The following UBAP1L variants were observed in gnomAD, a reference collection of about 807,000 sequenced individuals.
The protein encoded by UBAP1L is ubiquitin associated protein 1 like.
Under a neutral mutation model 32.1 loss-of-function variants are expected in UBAP1L, and 32 were observed. That is an observed-to-expected ratio of 1.00 (90% CI 0.75 to 1.34). The LOEUF (loss-of-function observed/expected upper bound fraction) is 1.34, where lower values mean the gene tolerates loss of function less well. Among genes scored for constraint, UBAP1L ranks in the 40% most tolerant of loss-of-function variants. The pLI is 0.00. For missense variants in UBAP1L, 516 were observed against 540.5 expected (o/e 0.95, Z 0.45); for synonymous variants, 243 against 250.2 (o/e 0.97, Z 0.27).
At chr15:65,104,349 G>GAAAAGA (rs200719158) in intron 2 of UBAP1L, among the ~76,000 whole-genome samples, 5 of 151,268 alleles carry the variant, frequency 3.3e-5, no homozygotes, top group African/African-American at 4.9e-5. Flanking sequence ...GAAAAGAAAA[G>GAAAAGA]AAAAGAAAAA....
intron 2 of UBAP1L, chr15:65,105,506 C>A: frequency 2.2e-6 from 1 of 448,340 alleles, no homozygotes; most frequent in Non-Finnish European, 4.2e-6. Context: ...CAGCTCTTTC[C>A]CTAAGTGGCC....
Position 65,094,864 on chromosome 15 carries a change from T to C in UBAP1L, c.910-288A>G, listed in dbSNP as rs2140556751. ...GGCTAGGGTGTTCATAGAACCTAGGTGGGGAGCAGGACAGGCTTCAAACAC... is the reference window on the plus strand; with the variant it reads ...GGCTAGGGTGTTCATAGAACCTAGGCGGGGAGCAGGACAGGCTTCAAACAC... On this transcript the variant is annotated intron_variant, in intron 4 of 5. Coordinates refer to ENST00000559089, the MANE Select transcript of UBAP1L (RefSeq NM_001163692.2). The surrounding 1 kb of genome is among the most constrained non-coding windows in gnomAD (Gnocchi z 4.2). 2.1e-6 allele frequency: 1 copy of C among 473,550 alleles called. No homozygotes were observed. Among genetic ancestry groups the C allele is most frequent in the Non-Finnish European group, 3.9e-6 (1 of 256,794 alleles). The allele number at this position is 473,550 out of a possible 1,614,324, so 29.3% of individuals were successfully genotyped here.
At chr15:65,108,510 C>A (rs2087342076) in intron 1 of UBAP1L, among the ~76,000 whole-genome samples, 1 of 151,604 alleles carries the variant, frequency 6.6e-6, no homozygotes, top group African/African-American at 2.4e-5. Flanking sequence ...TTTGAGAGGC[C>A]CAGGCAGGAG....
intron 2 of UBAP1L, chr15:65,105,769 T>C: frequency 1.4e-6 from 1 of 698,118 alleles, no homozygotes; most frequent in Non-Finnish European, 2.7e-6. Flanking sequence ...TGGGGCTGGA[T>C]AGAAGGTCGG....
rs1283407488 is a variant in UBAP1L at position 65,106,376 on chromosome 15, G to A, written c.-161C>T. Reference sequence around the variant, plus strand: ...CCCAAACAGCTGGAAAGGAAAAGGTGAGGGGGCCAGTGCTGCATAAAGGAA... The same window carrying A: ...CCCAAACAGCTGGAAAGGAAAAGGTAAGGGGGCCAGTGCTGCATAAAGGAA... On this transcript the variant is annotated 5_prime_UTR_variant, in exon 2 of 6. Transcript: ENST00000559089. 4.1e-6 allele frequency: 3 copies of A among 734,636 alleles called. No homozygotes were observed. The Admixed American group carries it at 1.2e-4, about 28-fold the overall frequency. 45.5% of individuals were successfully genotyped at this position (734,636 alleles called of 1,614,324 possible).
chr15:65,112,093 A>C (rs1191907871), intron 1 of UBAP1L, among the ~76,000 whole-genome samples: 1 of 152,200 alleles, frequency 6.6e-6, no homozygotes, highest in Non-Finnish European at 1.5e-5. Context: ...TCTCCAAAGG[A>C]AGGGGAGTGG....
Position 65,093,145 on chromosome 15 carries a change from G to A in UBAP1L, c.1098C>T (p.Gly366=). The A allele has an allele frequency of 6.5e-7, 1 of 1,549,888 alleles. No homozygotes were observed. Among genetic ancestry groups the A allele is most frequent in the African/African-American group, 1.4e-5 (1 of 73,142 alleles). ...DRIKEVLLVH[G]NRREQALEEL... ...CCTCCAGGGCTTGCTCTCGGCGGTT[G>A]CCATGGACCAGCAGCACCTCCTTGA... Residue 366 remains glycine, a synonymous_variant, in exon 6 of 6, where the codon GGC becomes GGT. Transcript: ENST00000559089.
chr15:65,110,999 G>A (rs1309786178), intron 1 of UBAP1L, among the ~76,000 whole-genome samples: 1 of 152,190 alleles, frequency 6.6e-6, no homozygotes, highest in Non-Finnish European at 1.5e-5. Flanking sequence ...ATGAAGGCAG[G>A]TAGGCAAATC....
Position 65,102,444 on chromosome 15 carries a change from C to T in UBAP1L, c.361G>A (p.Glu121Lys), listed in dbSNP as rs1371288449. The T allele has an allele frequency of 2.1e-6, 3 of 1,424,800 alleles. No homozygotes were observed. In the African/African-American group the frequency reaches 4.5e-5, roughly 22 times the overall value. 88.3% of individuals were successfully genotyped at this position (1,424,800 alleles called of 1,614,324 possible). ...DEAEASSGSE[E>K]EPAPSSLQPG... The stretch of plus-strand genomic sequence containing the variant: ...TGGAGGCTGCTGGGGGCCGGCTCTT[C>T]CTCGCTGCCAGAGGAGGCTTCTGCC... The change falls in exon 3 of 6, where the codon GAA becomes AAA. Residue 121 changes from glutamate (E) to lysine (K), a missense_variant. Transcript: ENST00000559089. The surrounding 1 kb of genome is among the most constrained non-coding windows in gnomAD (Gnocchi z 5.0).
intron 1 of UBAP1L, among the ~76,000 whole-genome samples, chr15:65,107,283 C>T (rs1192047955): frequency 6.7e-6 from 1 of 150,160 alleles, no homozygotes; most frequent in South Asian, 2.1e-4. Flanking sequence ...ACACAGTGGC[C>T]GAGATCATGC....
In UBAP1L at chr15:65,099,519, GCCTC is replaced by G. The variant is rs2087215419; in HGVS notation, c.891_894del (p.Gln299AlafsTer2). 6.5e-7 allele frequency: 1 copy of G among 1,550,254 alleles called. No homozygotes were observed. Among genetic ancestry groups the G allele is most frequent in the African/African-American group, 1.4e-5 (1 of 73,014 alleles). ...CCCCAACTCACCTGGCTCAGGCTCTGCCTCCCTGTCTTCTGCAGAGCTATGATGG... is the reference window on the plus strand; with the variant it reads ...CCCCAACTCACCTGGCTCAGGCTCTGCCTGTCTTCTGCAGAGCTATGATGG... On this transcript the variant is annotated frameshift_variant, in exon 4 of 6. Coordinates refer to ENST00000559089, the MANE Select transcript of UBAP1L (RefSeq NM_001163692.2). LOFTEE classifies it high-confidence loss of function.
rs114605219 is a variant in UBAP1L, at chr15:65,101,825, A to G, written c.699+281T>C. On this transcript the variant is annotated intron_variant, in intron 3 of 5. Transcript: ENST00000559089. ...GAGCTCAACCTCGTTTAGAAGAGAC[A>G]GGTCCTGGATAATTAAAACCACTGT... Among the ~76,000 whole-genome samples the G allele has an allele frequency of 6.1e-3, 922 of 152,298 alleles. 10 individuals are homozygous for G. The highest frequency in any genetic ancestry group is 0.021 in the African/African-American group (859 of 41,566).
At chr15:65,104,904 G>A in intron 2 of UBAP1L, 1 of 409,432 alleles carries the variant, frequency 2.4e-6, no homozygotes, top group Non-Finnish European at 4.8e-6. Flanking sequence ...CTACTCGGGA[G>A]ACCATGGCAC....
At chr15:65,095,023 C>T (rs1356968977) in intron 4 of UBAP1L, 1 of 175,142 alleles carries the variant, frequency 5.7e-6, no homozygotes, top group Non-Finnish European at 1.2e-5. Context: ...CCAGATGCAT[C>T]TCTCTCATCC....
At chr15:65,093,701 C>T (rs1299731414) in intron 5 of UBAP1L, among the ~76,000 whole-genome samples, 1 of 152,232 alleles carries the variant, frequency 6.6e-6, no homozygotes, top group African/African-American at 2.4e-5. Flanking sequence ...CCCAACCCTC[C>T]GTCCCCTTCA....
Position 65,098,488 on chromosome 15 carries a change from G to A in UBAP1L, c.909+1017C>T, listed in dbSNP as rs74445941. 331 of 152,326 alleles carry A rather than the reference G, an allele frequency of 2.2e-3. 1 individual carries two copies. The highest frequency in any genetic ancestry group is 7.1e-3 in the African/African-American group (296 of 41,582). The allele number at this position is 152,326 out of a possible 1,614,324, so 9.4% of individuals were successfully genotyped here. A position where few individuals can be genotyped will look rare whatever the true frequency, so the allele number is the denominator to read the frequency against. ...TTTTTTGCACCCTCTCCCACCAAGA[G>A]GTGGAATCTGTTTTTCCCCTGTGTA... is the stretch of plus-strand genomic sequence containing the variant. On this transcript the variant is annotated intron_variant, in intron 4 of 5. Coordinates refer to ENST00000559089, the MANE Select transcript of UBAP1L (RefSeq NM_001163692.2).
Position 65,094,873 on chromosome 15 carries a change from G to T in UBAP1L, c.910-297C>A. 2 of 448,066 alleles carry T rather than the reference G, an allele frequency of 4.5e-6. No individual in the cohort carries two copies. Among genetic ancestry groups the T allele is most frequent in the Non-Finnish European group, 4.1e-6 (1 of 241,544 alleles). 27.8% of individuals were successfully genotyped at this position (448,066 alleles called of 1,614,324 possible). On this transcript the variant is annotated intron_variant, in intron 4 of 5. Transcript: ENST00000559089. This position sits in a 1 kb window ranked among gnomAD's most constrained non-coding sequence, Gnocchi z 4.2. ...GTTCATAGAACCTAGGTGGGGAGCA[G>T]GACAGGCTTCAAACACAGACATCCC...
chr15:65,107,016 A>G (rs1258330550), intron 1 of UBAP1L, among the ~76,000 whole-genome samples: 1 of 152,242 alleles, frequency 6.6e-6, no homozygotes, highest in Admixed American at 6.5e-5. Context: ...AGATGCAAAA[A>G]AAATCTTAAA....
In UBAP1L at chr15:65,093,204, G is replaced by A. The variant is rs768048340; in HGVS notation, c.1039C>T (p.Gln347Ter). ...TGCTGGAAGCCCATGTCACTGAACT[G>A]CTCCCAGAGGCGCAGGAACTCCCCT... Reference protein sequence around the residue: ...QAGEFLRLWEQFSDMGFQQDR... With the variant: ...QAGEFLRLWE The change falls in exon 6 of 6, where the codon CAG (glutamine) becomes TAG (stop). Residue 347 changes from glutamine to a stop codon, truncating the protein, a stop_gained. Coordinates refer to ENST00000559089, the MANE Select transcript of UBAP1L (RefSeq NM_001163692.2). LOFTEE classifies it high-confidence loss of function. The A allele has an allele frequency of 6.5e-7, 1 of 1,547,882 alleles. No individual in the cohort carries two copies.
Sources: allele counts gnomAD v4.1 joint callset (sites outside exome capture counted in the v4.1 genomes callset), GRCh38; gene constraint gnomAD v4.1.1; non-coding constraint Gnocchi (gnomAD v3.1); transcripts MANE v1.5; gene names NCBI Gene and HGNC (gene_info 2026-07-23, HGNC 2026-07-21).